The following POLA2 variants were observed in gnomAD, a reference collection of about 807,000 sequenced individuals.
POLA2 encodes the protein DNA polymerase alpha 2, accessory subunit, also known as DNA polymerase alpha subunit B.
POLA2 carries 47 observed loss-of-function variants against 82.8 expected under a neutral mutation model. The ratio of observed to expected loss-of-function variants is 0.57; its 90% CI spans 0.45 to 0.72. The LOEUF is 0.72. Ranked by LOEUF, POLA2 falls within the 30% of genes least tolerant of loss-of-function variation. POLA2 has a pLI of 0.00. For missense variants in POLA2, 634 were observed against 728.1 expected (o/e 0.87, Z 1.49); for synonymous variants, 287 against 286.8 (o/e 1.00, Z -0.01).
In POLA2 at chr11:65,278,783, C is replaced by T. The variant is rs1949608459; in HGVS notation, c.515C>T (p.Thr172Ile). 6.2e-7 allele frequency: 1 copy of T among 1,613,816 alleles called. No individual in the cohort carries two copies. Among genetic ancestry groups the T allele is most frequent in the Non-Finnish European group, 8.5e-7 (1 of 1,179,990 alleles). Residue 172 changes from threonine to isoleucine, a missense_variant, in exon 6 of 18, where the codon ACC (threonine) becomes ATC (isoleucine). By Grantham distance (89) the Thr-to-Ile change is moderately conservative. Transcript: ENST00000265465. ...NSRSNRGEVV[T>I]SFGLAQGVSW... The stretch of plus-strand genomic sequence containing the variant: ...CGAAGTAACCGAGGAGAAGTGGTTA[C>T]CTCCTTCGGCTTAGCACAGGGAGTA...
At position 65,294,184 on chromosome 11, in the gene POLA2, T is replaced by C. The variant is rs1949784688; in HGVS notation, c.1276T>C (p.Leu426=). The C allele has an allele frequency of 1.9e-6, 3 of 1,614,146 alleles. No homozygotes were observed. The highest frequency in any genetic ancestry group is 2.5e-6 in the Non-Finnish European group (3 of 1,180,020). ...CTCCCACCTTGTCTTTGTCCCGTCA[T>C]TGAGAGATGTGCACCATGAGCCTGT... is the stretch of plus-strand genomic sequence containing the variant. ...SGSHLVFVPS[L]RDVHHEPVYP... Residue 426 remains leucine (L), a synonymous_variant, in exon 14 of 18, where the codon TTG becomes CTG. Transcript: ENST00000265465.
At chr11:65,288,135 A>G (rs1306864114) in intron 11 of POLA2, among the ~76,000 whole-genome samples, 1 of 152,036 alleles carries the variant, frequency 6.6e-6, no homozygotes, top group African/African-American at 2.4e-5. Context: ...GTGAAACCCC[A>G]TCTCTACTAA....
chr11:65,305,113 GCT>G (rs1310606794), intron 8 of POLA2, among the ~76,000 whole-genome samples: 2 of 151,352 alleles, frequency 1.3e-5, no homozygotes, highest in East Asian at 2.0e-4. Context: ...TCCATCTCCA[GCT>G]CTCACACCAC....
chr11:65,268,354 A>ATTT (rs200019638), intron 3 of POLA2, among the ~76,000 whole-genome samples: 2 of 148,852 alleles, frequency 1.3e-5, no homozygotes, highest in Non-Finnish European at 3.0e-5. Context: ...TATTATTATT[A>ATTT]TTATTTTTTT....
rs556419732 is a variant in POLA2, at chr11:65,276,238, A to C, written c.461+240A>C. ...CTTTCCACCCACTTTTCTAGGGCTC[A>C]TTTCCTAGATCGGGAACTGATATCT... On this transcript the variant is annotated intron_variant, in intron 5 of 17. Transcript: ENST00000265465. Among the ~76,000 whole-genome samples, 3 of 152,242 alleles carry C rather than the reference A, an allele frequency of 2.0e-5. No individual in the cohort carries two copies. The East Asian group carries it at 5.8e-4, about 29-fold the overall frequency.
In POLA2 at chr11:65,281,074, G is replaced by A. The variant is rs1195557368; in HGVS notation, c.827G>A (p.Arg276Gln). 3.1e-6 allele frequency: 5 copies of A among 1,613,976 alleles called. No homozygotes were observed. In the African/African-American group the frequency reaches 4.0e-5, roughly 13 times the overall value. ...AAGTCAGTGATTCTCGAGGGAGACC[G>A]GGAACATTCCTCGGGTGCTCAAATT... ...NNKSVILEGD[R>Q]EHSSGAQIPV... Residue 276 changes from arginine (R) to glutamine (Q), a missense_variant, in exon 8 of 18, where the codon CGG becomes CAG. Physicochemically the swap from Arg to Gln is conservative, Grantham distance 43. Coordinates refer to ENST00000265465, the MANE Select transcript of POLA2 (RefSeq NM_002689.4).
At chr11:65,281,872 C>A in intron 9 of POLA2, 140 bp downstream of exon 9, 1 of 702,816 alleles carries the variant, frequency 1.4e-6, no homozygotes. Flanking sequence ...GGAACCCACC[C>A]CTAGGCCAGG....
In POLA2 at chr11:65,267,559, T is replaced by C. The variant is rs777941351; in HGVS notation, c.287T>C (p.Ile96Thr). 3.2e-5 allele frequency: 51 copies of C among 1,603,222 alleles called. No homozygotes were observed. Among genetic ancestry groups the C allele is most frequent in the Non-Finnish European group, 3.3e-5 (39 of 1,171,822 alleles). ...GCAGGAGCTAGAGACATTGTTTCCA[T>C]TCAAGAGCTGTATCCTTTTCTGCTG... is the stretch of plus-strand genomic sequence containing the variant. ...GHAGARDIVS[I>T]QELIEVEEEE... Residue 96 changes from isoleucine to threonine, a missense_variant, in exon 3 of 18, where the codon ATT becomes ACT. Transcript: ENST00000265465.
rs1303281942 is a variant in POLA2 at position 65,268,648 on chromosome 11, G to A, written c.297-24G>A. The A allele has an allele frequency of 3.2e-6, 5 of 1,546,066 alleles. No individual in the cohort carries two copies. The African/African-American group carries it at 6.9e-5, about 21-fold the overall frequency. ...TGAGCTACCGTGCCCAGCCATTATTGTTTTTCTTAACCAGTGTTCTTAGAA... is the reference window on the plus strand; with the variant it reads ...TGAGCTACCGTGCCCAGCCATTATTATTTTTCTTAACCAGTGTTCTTAGAA... On this transcript the variant is annotated intron_variant, in intron 3 of 17. Coordinates refer to ENST00000265465, the MANE Select transcript of POLA2 (RefSeq NM_002689.4).
At chr11:65,300,559 T>C (rs1464423351), downstream of POLA2, among the ~76,000 whole-genome samples, 1 of 151,596 alleles carries the variant, frequency 6.6e-6, no homozygotes, top group African/African-American at 2.4e-5. Flanking sequence ...GCCCATGCTC[T>C]TTTCTGTCAG....
Position 65,297,404 on chromosome 11 carries a change from T to A in POLA2, c.*135T>A. The A allele has an allele frequency of 9.7e-7, 1 of 1,032,086 alleles. No homozygotes were observed. Among genetic ancestry groups the A allele is most frequent in the Non-Finnish European group, 1.3e-6 (1 of 747,072 alleles). 63.9% of individuals were successfully genotyped at this position (1,032,086 alleles called of 1,614,324 possible). On this transcript the variant is annotated 3_prime_UTR_variant, in exon 18 of 18. Coordinates refer to ENST00000265465, the MANE Select transcript of POLA2 (RefSeq NM_002689.4). The stretch of plus-strand genomic sequence containing the variant: ...GCCAGCCAGGGAGGGGCAGCTGCAG[T>A]GACCAGGCCCAGCAGGGAGGACTTG...
intron 1 of POLA2, among the ~76,000 whole-genome samples, chr11:65,264,848 G>T (rs1260934239): frequency 6.6e-6 from 1 of 152,072 alleles, no homozygotes; most frequent in African/African-American, 2.4e-5. Flanking sequence ...TTTCCTACTA[G>T]TATAGAAATG....
At chr11:65,293,193 G>A (rs1949772860) in intron 13 of POLA2, among the ~76,000 whole-genome samples, 1 of 152,116 alleles carries the variant, frequency 6.6e-6, no homozygotes, top group Admixed American at 6.5e-5. Context: ...GGGGAGGGAT[G>A]CGATGGCTCA....
At position 65,297,542 on chromosome 11, in the gene POLA2, G is replaced by T. The variant is rs1949825952; in HGVS notation, c.*273G>T. 1 of 324,086 alleles carries T rather than the reference G, an allele frequency of 3.1e-6. No individual in the cohort carries two copies. Among genetic ancestry groups the T allele is most frequent in the Admixed American group, 4.6e-5 (1 of 21,882 alleles). The allele number at this position is 324,086 out of a possible 1,614,324, so 20.1% of individuals were successfully genotyped here. A position where few individuals can be genotyped will look rare whatever the true frequency, so the allele number is the denominator to read the frequency against. On this transcript the variant is annotated 3_prime_UTR_variant, in exon 18 of 18. Coordinates refer to ENST00000265465, the MANE Select transcript of POLA2 (RefSeq NM_002689.4). The stretch of plus-strand genomic sequence containing the variant: ...CTGTGGATCCCGCCCACTCAGAAAA[G>T]GCGAGAAGGCTTTGTGATTTTCTAC...
chr11:65,288,171 G>C (rs2137566887), intron 11 of POLA2, among the ~76,000 whole-genome samples: 1 of 152,230 alleles, frequency 6.6e-6, no homozygotes, highest in Admixed American at 6.5e-5. Context: ...AGCTGGGCAT[G>C]GTGGCAGGCA....
At chr11:65,291,819 G>A (rs1234409832) in intron 13 of POLA2, among the ~76,000 whole-genome samples, 1 of 152,242 alleles carries the variant, frequency 6.6e-6, no homozygotes, top group Non-Finnish European at 1.5e-5. Context: ...GCCAGTGTGT[G>A]CCACAGGGCA....
intron 5 of POLA2, among the ~76,000 whole-genome samples, chr11:65,276,620 A>G (rs541077777): frequency 2.6e-4 from 39 of 152,212 alleles, no homozygotes; most frequent in African/African-American, 7.2e-4. Flanking sequence ...AGAGAATTCC[A>G]TAGGCAAGTG....
intron 5 of POLA2, among the ~76,000 whole-genome samples, chr11:65,276,721 C>T (rs1363773018): frequency 6.6e-6 from 1 of 151,888 alleles, no homozygotes; most frequent in Non-Finnish European, 1.5e-5. Flanking sequence ...CACCAACTGC[C>T]AGGAGTCATT....
In POLA2 at chr11:65,281,707, A is replaced by G. The variant is rs137913617; in HGVS notation, c.938A>G (p.Lys313Arg). 33 of 1,614,050 alleles carry G rather than the reference A, an allele frequency of 2.0e-5. No homozygotes were observed. The South Asian group carries it at 3.6e-4, about 18-fold the overall frequency. ...GAAGGAATCAACACCACTGGTAGGA[A>G]ACTTGTTGCCACCAAACTCTACGAG... Reference protein sequence around the residue: ...IMEGINTTGRKLVATKLYEGV... With the variant: ...IMEGINTTGRRLVATKLYEGV... The change falls in exon 9 of 18, where the codon AAA becomes AGA. Residue 313 changes from lysine to arginine, a missense_variant. Coordinates refer to ENST00000265465, the MANE Select transcript of POLA2 (RefSeq NM_002689.4).
Sources: gnomAD v4.1 joint callset for allele counts (sites outside exome capture counted in the v4.1 genomes callset) on GRCh38, gnomAD v4.1.1 for gene constraint, MANE v1.5 for transcripts, NCBI Gene and HGNC (gene_info 2026-07-23, HGNC 2026-07-21) for gene names.